The following HOXC5 variants were observed in gnomAD, a reference collection of about 807,000 sequenced individuals.
HOXC5 encodes homeobox C5, also known as homeobox protein Hox-C5.
Under a neutral mutation model 20.1 loss-of-function variants are expected in HOXC5, and 19 were observed. That is an observed-to-expected ratio of 0.94 (90% CI 0.66 to 1.38). HOXC5 has a LOEUF of 1.38. HOXC5 is among the 40% of genes most tolerant of loss of function. The pLI is 0.00. For synonymous variants in HOXC5, 124 were observed against 117.0 expected, an observed-to-expected ratio of 1.06 and a Z score of -0.39; for missense variants, 330 against 300.1, an observed-to-expected ratio of 1.10 and a Z score of -0.74.
upstream of HOXC5, chr12:54,029,531 T>C (rs921132372): frequency 4.0e-6 from 4 of 999,554 alleles, no homozygotes; most frequent in African/African-American, 6.5e-5. Flanking sequence ...GGGAGAAGGC[T>C]AGAGCCCTAA....
the HOXC5 span, among the ~76,000 whole-genome samples, chr12:54,025,531 G>C: frequency 1.3e-4 from 6 of 44,536 alleles, no homozygotes; most frequent in Non-Finnish European, 2.9e-4. Context: ...GGTAATTGGG[G>C]GGGGGGGAGG....
chr12:54,017,934 C>T, the HOXC5 span, among the ~76,000 whole-genome samples: 2 of 152,156 alleles, frequency 1.3e-5, no homozygotes, highest in Non-Finnish European at 2.9e-5. Flanking sequence ...AGCGCGACTG[C>T]TAGAGCTCAC....
At chr12:54,028,571 G>A (rs200139629), upstream of HOXC5, 33 of 1,614,058 alleles carry the variant, frequency 2.0e-5, no homozygotes, top group Non-Finnish European at 2.7e-5. Flanking sequence ...CTCGCCGGGG[G>A]CCAGGACGTC....
upstream of HOXC5, chr12:54,028,424 G>A (rs1456869491): frequency 3.0e-6 from 4 of 1,346,722 alleles, no homozygotes; most frequent in Admixed American, 8.6e-5. Context: ...GTCTGTCCTG[G>A]ATTGGAGCCG....
chr12:54,019,550 C>T, the HOXC5 span, among the ~76,000 whole-genome samples: 1 of 152,212 alleles, frequency 6.6e-6, no homozygotes, highest in South Asian at 2.1e-4. Context: ...GCCCCCGCCC[C>T]TGTGGATGGC....
At chr12:54,020,621 T>C in the HOXC5 span, 2 of 152,194 alleles carry the variant, frequency 1.3e-5, no homozygotes, top group African/African-American at 4.8e-5. Context: ...GGTGGTTAAT[T>C]GTATATTACC....
At chr12:54,026,602 G>A in the HOXC5 span, among the ~76,000 whole-genome samples, 8 of 152,194 alleles carry the variant, frequency 5.3e-5, no homozygotes, top group Admixed American at 3.3e-4. Flanking sequence ...ACAAATTTCT[G>A]TCCTTTCTGG....
At chr12:54,029,759 C>G, upstream of HOXC5, 1 of 1,614,144 alleles carries the variant, frequency 6.2e-7, no homozygotes, top group Non-Finnish European at 8.5e-7. Flanking sequence ...CCTAACGCGG[C>G]GCCGGCGCAT....
At chr12:54,034,235 G>C in intron 1 of HOXC5, 43 bp from the exon 2 acceptor site, 1 of 1,532,632 alleles carries the variant, frequency 6.5e-7, no homozygotes. Context: ...AACGCTGCAA[G>C]CTATTCACCC....
At chr12:54,019,258 A>C in the HOXC5 span, among the ~76,000 whole-genome samples, 1 of 131,562 alleles carries the variant, frequency 7.6e-6, no homozygotes. Flanking sequence ...TTTACGATCG[A>C]GAAAAGCGCT....
At chr12:54,025,634 C>A in the HOXC5 span, among the ~76,000 whole-genome samples, 1 of 152,024 alleles carries the variant, frequency 6.6e-6, no homozygotes, top group African/African-American at 2.4e-5. Context: ...AGCATTTCTG[C>A]CTTTTTCACC....
At chr12:54,027,982 T>C in the HOXC5 span, among the ~76,000 whole-genome samples, 2 of 152,216 alleles carry the variant, frequency 1.3e-5, no homozygotes, top group African/African-American at 2.4e-5. Context: ...CAGGATTTCC[T>C]GCAGGATTTC....
upstream of HOXC5, among the ~76,000 whole-genome samples, chr12:54,028,070 T>A (rs886416773): frequency 4.6e-5 from 7 of 151,998 alleles, no homozygotes; most frequent in African/African-American, 1.7e-4. Flanking sequence ...GGGGCAGATA[T>A]AAAACATGAA....
At chr12:54,027,386 G>A in the HOXC5 span, among the ~76,000 whole-genome samples, 23 of 152,154 alleles carry the variant, frequency 1.5e-4, no homozygotes, top group Non-Finnish European at 2.6e-4. Flanking sequence ...ACCAAGGCAG[G>A]GGCTTGAGCC....
chr12:54,029,056 G>A (rs1188030417), upstream of HOXC5: 1 of 870,208 alleles, frequency 1.1e-6, no homozygotes. Flanking sequence ...ACCGAGACAG[G>A]GCCCCCTCTT....
upstream of HOXC5, among the ~76,000 whole-genome samples, chr12:54,031,478 C>A (rs1255353579): frequency 6.6e-6 from 1 of 152,202 alleles, no homozygotes; most frequent in Non-Finnish European, 1.5e-5. Flanking sequence ...CAGCTCCAGC[C>A]GGGCTGGTTC....
chr12:54,026,050 T>A, the HOXC5 span, among the ~76,000 whole-genome samples: 5 of 152,322 alleles, frequency 3.3e-5, no homozygotes, highest in South Asian at 1.0e-3. Context: ...TGTTGTACAT[T>A]GCAACAATTT....
Position 54,034,253 on chromosome 12 carries a change from G to A in HOXC5, c.455-25G>A, listed in dbSNP as rs762330607. 5 of 1,600,300 alleles carry A rather than the reference G, an allele frequency of 3.1e-6. No homozygotes were observed. The Admixed American group carries it at 6.7e-5, about 21-fold the overall frequency. On this transcript the variant is annotated intron_variant, in intron 1 of 1. Transcript: ENST00000312492. Reference sequence around the variant, plus strand: ...GCTGCAAGCTATTCACCCCTTCCTGGCTTGGGGTGGGGTTTATGTTCCAGA... The same window carrying A: ...GCTGCAAGCTATTCACCCCTTCCTGACTTGGGGTGGGGTTTATGTTCCAGA...
chr12:54,034,311 C>G lies in HOXC5; in HGVS notation c.488C>G (p.Thr163Arg), dbSNP rs774117611. The change falls in exon 2 of 2, where the codon ACG becomes AGG. Residue 163 changes from threonine to arginine, a missense_variant. Coordinates refer to ENST00000312492, the MANE Select transcript of HOXC5 (RefSeq NM_018953.4). ...GGCAAGCGGTCCCGAACCAGTTACACGCGCTACCAGACTCTGGAACTCGAG... is the reference window on the plus strand; with the variant it reads ...GGCAAGCGGTCCCGAACCAGTTACAGGCGCTACCAGACTCTGGAACTCGAG... ...TDGKRSRTSY[T>R]RYQTLELEKE... 3 of 1,614,012 alleles carry G rather than the reference C, an allele frequency of 1.9e-6. No individual in the cohort carries two copies. Among genetic ancestry groups the G allele is most frequent in the Middle Eastern group, 1.6e-4 (1 of 6,084 alleles).
Sources: gnomAD v4.1 joint callset for allele counts (sites outside exome capture counted in the v4.1 genomes callset) on GRCh38, gnomAD v4.1.1 for gene constraint, MANE v1.5 for transcripts, NCBI Gene and HGNC (gene_info 2026-07-23, HGNC 2026-07-21) for gene names.